DZIP1L: variants seen among roughly 807,000 people sequenced by gnomAD.
The protein encoded by DZIP1L is DAZ interacting zinc finger protein 1 like, also known as cilium assembly protein DZIP1L.
In DZIP1L, 90 loss-of-function variants were observed where a neutral mutation model predicts 88.7. The ratio of observed to expected loss-of-function variants is 1.02; its 90% CI spans 0.86 to 1.21. The LOEUF (loss-of-function observed/expected upper bound fraction) is 1.21, where lower values mean the gene tolerates loss of function less well. Among genes scored for constraint, DZIP1L ranks in the 50% most tolerant of loss-of-function variants. The pLI is 0.00. For missense variants in DZIP1L, 932 were observed against 955.8 expected (o/e 0.98, Z 0.33); for synonymous variants, 363 against 372.1 (o/e 0.98, Z 0.28).
In DZIP1L at chr3:138,071,765, T is replaced by C; in HGVS notation, c.1493A>G (p.Lys498Arg). 6.2e-7 allele frequency: 1 copy of C among 1,614,192 alleles called. No individual in the cohort carries two copies. Among genetic ancestry groups the C allele is most frequent in the African/African-American group, 1.3e-5 (1 of 75,052 alleles). ...CAGAAATTCAGAAAACTTCCGGGCC[T>C]TCTGCTCCCGCTGGACTCTCAGCAG... Reference protein sequence around the residue: ...ESLLRVQREQKARKFSEFLSL... With the variant: ...ESLLRVQREQRARKFSEFLSL... Residue 498 changes from lysine (K) to arginine (R), a missense_variant, in exon 12 of 16, where the codon AAG becomes AGG. By Grantham distance (26) the Lys-to-Arg change is conservative. Transcript: ENST00000327532.
intron 2 of DZIP1L, among the ~76,000 whole-genome samples, chr3:138,100,641 G>A (rs1473026221): frequency 6.6e-6 from 1 of 152,174 alleles, no homozygotes; most frequent in East Asian, 1.9e-4. Flanking sequence ...TTGAATTGAA[G>A]GGCACCCAGG....
chr3:138,097,931 C>T, intron 2 of DZIP1L, 84 bp from the exon 3 acceptor site: 1 of 1,143,006 alleles, frequency 8.7e-7, no homozygotes, highest in Non-Finnish European at 1.3e-6. Context: ...AGCCCCCATC[C>T]CCTTGGGACC....
In DZIP1L at chr3:138,077,513, T is replaced by C; in HGVS notation, c.1408A>G (p.Met470Val). Residue 470 changes from methionine (M) to valine (V), a missense_variant, in exon 11 of 16, where the codon ATG (methionine) becomes GTG (valine). Physicochemically the swap from Met to Val is conservative, Grantham distance 21 (BLOSUM62 1). Transcript: ENST00000327532. ...CTGAAACTCACCTTCCTTATCCCCA[T>C]GCTTTCGAGCTTCTCTTCCAGGGTG... is the stretch of plus-strand genomic sequence containing the variant. Reference protein sequence around the residue: ...EDTLEEKLESMGIRKDAKGIS... With the variant: ...EDTLEEKLESVGIRKDAKGIS... 1 of 1,614,182 alleles carries C rather than the reference T, an allele frequency of 6.2e-7. No homozygotes were observed. Among genetic ancestry groups the C allele is most frequent in the Non-Finnish European group, 8.5e-7 (1 of 1,180,006 alleles).
Position 138,064,467 on chromosome 3 carries a change from T to A in DZIP1L, c.2142+161A>T, listed in dbSNP as rs1472092914. On this transcript the variant is annotated intron_variant, in intron 15 of 15. Transcript: ENST00000327532. ...ATACAAGTATTCCAAACTGGCCATC[T>A]CTCCATGTGCACAGGGGCAGAGGGA... The A allele has an allele frequency of 1.9e-6, 3 of 1,599,622 alleles. No homozygotes were observed. In the African/African-American group the frequency reaches 4.0e-5, roughly 22 times the overall value.
At position 138,092,463 on chromosome 3, in the gene DZIP1L, A is replaced by T. The variant is rs760465903; in HGVS notation, c.790T>A (p.Tyr264Asn). Residue 264 changes from tyrosine to asparagine, a missense_variant, in exon 5 of 16, where the codon TAT becomes AAT. Coordinates refer to ENST00000327532, the MANE Select transcript of DZIP1L (RefSeq NM_173543.3). Reference sequence around the variant, plus strand: ...TTTTTTAGTTTATCTATTTCCCCATAAAGTTTGGTCCACTCTTGCTCTTTC... The same window carrying T: ...TTTTTTAGTTTATCTATTTCCCCATTAAGTTTGGTCCACTCTTGCTCTTTC... ...KWKEQEWTKL[Y>N]GEIDKLKKLF... The T allele has an allele frequency of 6.2e-7, 1 of 1,607,042 alleles. No homozygotes were observed. Among genetic ancestry groups the T allele is most frequent in the Admixed American group, 1.7e-5 (1 of 58,808 alleles).
rs1017085413 is a variant in DZIP1L at position 138,091,575 on chromosome 3, G to A, written c.870+808C>T. Among the ~76,000 whole-genome samples the A allele has an allele frequency of 4.9e-5, 7 of 142,630 alleles. No individual in the cohort carries two copies. The East Asian group carries it at 6.8e-4, about 14-fold the overall frequency. 93.6% of individuals were successfully genotyped at this position (142,630 alleles called of 152,430 possible). ...GGAAGTTGCGGTGAGCCGACACCAC[G>A]CCACTGCACTCCAGCCTGGGCGACA... On this transcript the variant is annotated intron_variant, in intron 5 of 15. Transcript: ENST00000327532.
chr3:138,087,006 T>C lies in DZIP1L; in HGVS notation c.1017A>G (p.Arg339=), dbSNP rs147201722. ...KTEIQKTEWK[R]KVKELHEEHM... is the part of the protein sequence containing the mutation. ...GCTCTTCATGCAGTTCCTTCACTTT[T>C]CTTTTCCACTCCGTTTTCTGAAAAA... Residue 339 remains arginine (R), a synonymous_variant, in exon 7 of 16, where the codon AGA becomes AGG. Transcript: ENST00000327532. 3.4e-4 allele frequency: 544 copies of C among 1,614,160 alleles called. No individual in the cohort carries two copies. Among genetic ancestry groups the C allele is most frequent in the Non-Finnish European group, 4.4e-4 (522 of 1,180,012 alleles).
intron 12 of DZIP1L, among the ~76,000 whole-genome samples, chr3:138,069,745 C>T (rs1274450075): frequency 2.0e-5 from 3 of 152,176 alleles, no homozygotes; most frequent in Admixed American, 1.3e-4. Flanking sequence ...TGTCTGTCTG[C>T]CCTAATCTTG....
At chr3:138,092,674 C>T (rs1944294647) in intron 4 of DZIP1L, 130 bp from the exon 5 acceptor site, 1 of 923,972 alleles carries the variant, frequency 1.1e-6, no homozygotes, top group African/African-American at 1.7e-5. Context: ...TCCCACAGTT[C>T]CCATTGTTTG....
chr3:138,110,617 T>C (rs902214149), intron 1 of DZIP1L, among the ~76,000 whole-genome samples: 1 of 152,052 alleles, frequency 6.6e-6, no homozygotes, highest in Non-Finnish European at 1.5e-5. Context: ...CATATCTCCA[T>C]CCCATCAACA....
chr3:138,099,074 C>G (rs1368930463), intron 2 of DZIP1L, among the ~76,000 whole-genome samples: 3 of 152,148 alleles, frequency 2.0e-5, no homozygotes, highest in Non-Finnish European at 4.4e-5. Context: ...GAGGTTAAGG[C>G]TGTGGTGAGC....
chr3:138,100,710 T>C (rs1331976859), intron 2 of DZIP1L, among the ~76,000 whole-genome samples: 28 of 152,182 alleles, frequency 1.8e-4, no homozygotes, highest in Admixed American at 1.8e-3. Flanking sequence ...GTCAGAAGTG[T>C]TATAAGCAGA....
chr3:138,071,726 T>A lies in DZIP1L; in HGVS notation c.1532A>T (p.Lys511Met), dbSNP rs746836568. Reference protein sequence around the residue: ...KFSEFLSLRGKLVKEVTSRAK... With the variant: ...KFSEFLSLRGMLVKEVTSRAK... ...TCTGCTGGTGACTTCCTTGACAAGC[T>A]TTCCCCTCAGACTCAGAAATTCAGA... Residue 511 changes from lysine (K) to methionine (M), a missense_variant, in exon 12 of 16, where the codon AAG (lysine) becomes ATG (methionine). Lys to Met is a moderately conservative substitution (Grantham distance 95, BLOSUM62 -1). Coordinates refer to ENST00000327532, the MANE Select transcript of DZIP1L (RefSeq NM_173543.3). The A allele has an allele frequency of 6.2e-7, 1 of 1,614,094 alleles. No homozygotes were observed. Among genetic ancestry groups the A allele is most frequent in the African/African-American group, 1.3e-5 (1 of 74,932 alleles).
At chr3:138,102,367 T>C in intron 2 of DZIP1L, 5 of 1,187,620 alleles carry the variant, frequency 4.2e-6, no homozygotes, top group Non-Finnish European at 6.2e-6. Context: ...GTATGCTTAT[T>C]GATCTCATCC....
chr3:138,098,288 T>C (rs1344263701), intron 2 of DZIP1L, among the ~76,000 whole-genome samples: 2 of 152,208 alleles, frequency 1.3e-5, no homozygotes, highest in African/African-American at 4.8e-5. Flanking sequence ...GTTGATACTG[T>C]TAGTGTGTAG....
intron 2 of DZIP1L, among the ~76,000 whole-genome samples, chr3:138,099,682 T>C (rs1421297450): frequency 6.6e-6 from 1 of 151,282 alleles, no homozygotes; most frequent in African/African-American, 2.4e-5. Flanking sequence ...GGTGAGGGAG[T>C]TCTCATTCTT....
chr3:138,068,006 A>T, intron 13 of DZIP1L, 145 bp downstream of exon 13: 1 of 758,132 alleles, frequency 1.3e-6, no homozygotes. Context: ...CAGAGCTCAG[A>T]CTGGACCCCA....
chr3:138,089,121 T>C (rs1350490156), intron 5 of DZIP1L: 1 of 985,346 alleles, frequency 1.0e-6, no homozygotes, highest in East Asian at 1.1e-4. Flanking sequence ...TATTTCTATC[T>C]GTATGACTGT....
chr3:138,109,168 C>T (rs1473611411), intron 1 of DZIP1L, among the ~76,000 whole-genome samples: 1 of 152,240 alleles, frequency 6.6e-6, no homozygotes, highest in Non-Finnish European at 1.5e-5. Flanking sequence ...TCTCTAGCTG[C>T]ATCTCCCATT....
Sources: allele counts gnomAD v4.1 joint callset (sites outside exome capture counted in the v4.1 genomes callset), GRCh38; gene constraint gnomAD v4.1.1; transcripts MANE v1.5; gene names NCBI Gene and HGNC (gene_info 2026-07-23, HGNC 2026-07-21).